The following ZNF518A variants were observed in gnomAD, a reference collection of about 807,000 sequenced individuals.
ZNF518A encodes zinc finger protein 518A, also known as zinc finger protein 518.
Under a neutral mutation model 102.7 loss-of-function variants are expected in ZNF518A, and 47 were observed. That is an observed-to-expected ratio of 0.46 (90% CI 0.36 to 0.58). The LOEUF (loss-of-function observed/expected upper bound fraction) is 0.58, where lower values mean the gene tolerates loss of function less well. Among genes scored for constraint, ZNF518A ranks in the 20% least tolerant of loss-of-function variants. The probability of loss-of-function intolerance (pLI) is 0.00; values close to 1 mark genes in which losing one functional copy is unlikely to be tolerated. For synonymous variants in ZNF518A, 652 were observed against 594.6 expected (o/e 1.10, Z -1.40); for missense variants, 1,793 against 1,699.8 (o/e 1.05, Z -0.96).
Position 96,158,588 on chromosome 10 carries a change from G to C in ZNF518A, c.2266G>C (p.Val756Leu). The C allele has an allele frequency of 6.2e-7, 1 of 1,613,272 alleles. No homozygotes were observed. Among genetic ancestry groups the C allele is most frequent in the Non-Finnish European group, 8.5e-7 (1 of 1,179,648 alleles). ...ATCTAAATGGGAAGACTTTTCTAAT[G>C]TCGATTCACCTATGATGCCTAGAAT... ...EKSKWEDFSN[V>L]DSPMMPRITS... Residue 756 changes from valine to leucine, a missense_variant, in exon 6 of 6, where the codon GTC (valine) becomes CTC (leucine). Around this residue, in one of 3 missense-constraint regions of ZNF518A, gnomAD observed 1,741 missense variants for 1,622.6 expected, o/e 1.07. Transcript: ENST00000316045.
chr10:96,152,258 A>C (rs2082483281), intron 3 of ZNF518A, among the ~76,000 whole-genome samples: 1 of 152,032 alleles, frequency 6.6e-6, no homozygotes, highest in Non-Finnish European at 1.5e-5. Flanking sequence ...GGCTGCAGTG[A>C]GCTGAGATCA....
At position 96,158,175 on chromosome 10, in the gene ZNF518A, A is replaced by T; in HGVS notation, c.1853A>T (p.Tyr618Phe). The change falls in exon 6 of 6, where the codon TAT (tyrosine) becomes TTT (phenylalanine). Residue 618 changes from tyrosine (Y) to phenylalanine (F), a missense_variant. By Grantham distance (22) the Tyr-to-Phe change is conservative. Around this residue, in one of 3 missense-constraint regions of ZNF518A, gnomAD observed 1,741 missense variants for 1,622.6 expected, o/e 1.07. Transcript: ENST00000316045. ...NAYNSGDMHN[Y>F]CINYGNCELP... ...TACAACAGTGGAGATATGCATAATT[A>T]TTGCATTAATTATGGCAACTGTGAG... 6.2e-7 allele frequency: 1 copy of T among 1,613,648 alleles called. No homozygotes were observed. The highest frequency in any genetic ancestry group is 8.5e-7 in the Non-Finnish European group (1 of 1,179,732).
rs1424279784 is a variant in ZNF518A, at chr10:96,157,737, C to T, written c.1415C>T (p.Ser472Leu). Residue 472 changes from serine (S) to leucine (L), a missense_variant, in exon 6 of 6, where the codon TCA (serine) becomes TTA (leucine). Coordinates refer to ENST00000316045, the MANE Select transcript of ZNF518A (RefSeq NM_001330736.2). ...PIKQNVCSPG[S>L]QSGAAKDGTA... ...AAACAAAATGTATGTTCACCAGGCT[C>T]ACAGTCAGGTGCTGCAAAGGACGGT... 5 of 1,613,912 alleles carry T rather than the reference C, an allele frequency of 3.1e-6. No homozygotes were observed. The highest frequency in any genetic ancestry group is 1.1e-5 in the South Asian group (1 of 91,082).
At chr10:96,192,902 A>G (rs1271541662) in intron 1 of ZNF518A, among the ~76,000 whole-genome samples, 1 of 152,234 alleles carries the variant, frequency 6.6e-6, no homozygotes, top group Non-Finnish European at 1.5e-5. Context: ...GTTTTACAAC[A>G]GTGCCATGAG....
intron 1 of ZNF518A, among the ~76,000 whole-genome samples, chr10:96,169,383 CTG>C (rs1354337023): frequency 6.6e-6 from 1 of 152,180 alleles, no homozygotes. Flanking sequence ...GTTTCTCAGA[CTG>C]TATGTCAACT....
At position 96,160,525 on chromosome 10, in the gene ZNF518A, T is replaced by G. The variant is rs1156975210; in HGVS notation, c.4203T>G (p.Asp1401Glu). The change falls in exon 6 of 6, where the codon GAT (aspartate) becomes GAG (glutamate). Residue 1401 changes from aspartate to glutamate, a missense_variant. Transcript: ENST00000316045. ...ATAACCCTCCTAAAACAACTTATGA[T>G]GATTTTTCCAAGAGGCACAAAACAT... Reference protein sequence around the residue: ...VCYNPPKTTYDDFSKRHKTFK... With the variant: ...VCYNPPKTTYEDFSKRHKTFK... 1.9e-6 allele frequency: 3 copies of G among 1,612,284 alleles called. No homozygotes were observed. In the East Asian group the frequency reaches 6.7e-5, roughly 36 times the overall value.
chr10:96,166,453 A>G (rs377309393), downstream of ZNF518A, among the ~76,000 whole-genome samples: 2 of 152,138 alleles, frequency 1.3e-5, no homozygotes, highest in East Asian at 1.9e-4. Context: ...GGTCATTCCA[A>G]TAGATAACCA....
intron 1 of ZNF518A, among the ~76,000 whole-genome samples, chr10:96,174,363 A>C (rs1554891232): frequency 6.6e-6 from 1 of 152,166 alleles, no homozygotes; most frequent in East Asian, 1.9e-4. Context: ...AATAGAGAAC[A>C]TAAAGGAAAC....
chr10:96,155,224 G>C (rs587725405), intron 3 of ZNF518A, 102 bp from the exon 4 acceptor site: 22 of 152,210 alleles, frequency 1.4e-4, no homozygotes, highest in Admixed American at 7.2e-4. Flanking sequence ...TGATTTATAT[G>C]GCACTTTAAA....
intron 3 of ZNF518A, among the ~76,000 whole-genome samples, chr10:96,146,767 T>C (rs782717827): frequency 3.3e-5 from 5 of 152,220 alleles, no homozygotes; most frequent in Non-Finnish European, 7.3e-5. Flanking sequence ...CTAACAAATA[T>C]GAAACTACCA....
At chr10:96,152,091 C>T (rs1470522721) in intron 3 of ZNF518A, among the ~76,000 whole-genome samples, 10 of 152,178 alleles carry the variant, frequency 6.6e-5, no homozygotes, top group African/African-American at 1.7e-4. Flanking sequence ...GCGAGTGGAT[C>T]GCTTGAGCTC....
intron 1 of ZNF518A, among the ~76,000 whole-genome samples, chr10:96,180,726 T>G (rs1181731186): frequency 6.6e-6 from 1 of 152,248 alleles, no homozygotes; most frequent in East Asian, 1.9e-4. Context: ...TGCCACATTT[T>G]CTTAATCCAG....
chr10:96,179,849 CTTTTCTTCTTT>C (rs1170905276), intron 1 of ZNF518A, among the ~76,000 whole-genome samples: 3 of 148,704 alleles, frequency 2.0e-5, no homozygotes, highest in East Asian at 2.0e-4. Context: ...CATCCTTCTT[CTTTTCTTCTTT>C]TTTTCTTCTT....
intron 3 of ZNF518A, among the ~76,000 whole-genome samples, chr10:96,135,649 A>C (rs1305471260): frequency 6.6e-6 from 1 of 152,198 alleles, no homozygotes; most frequent in Non-Finnish European, 1.5e-5. Context: ...TGGATGGTGG[A>C]TATATAGCAT....
rs1591290020 is a variant in ZNF518A, at chr10:96,195,015, C to T, written n.36-8559C>T. Among the ~76,000 whole-genome samples, 5 of 151,940 alleles carry T rather than the reference C, an allele frequency of 3.3e-5. No homozygotes were observed. The South Asian group carries it at 6.2e-4, about 19-fold the overall frequency. ...CGATCTCCTGACCTCGTGATCCGCCCGTCTCGGCCTCCCAAAGTGCTGGGA... is the reference window on the plus strand; with the variant it reads ...CGATCTCCTGACCTCGTGATCCGCCTGTCTCGGCCTCCCAAAGTGCTGGGA... On this transcript the variant is annotated intron_variant and non_coding_transcript_variant, in intron 1 of 2. Coordinates refer to the ZNF518A transcript ENST00000442635.
chr10:96,141,569 A>G (rs782723636), intron 3 of ZNF518A, among the ~76,000 whole-genome samples: 2 of 152,154 alleles, frequency 1.3e-5, no homozygotes, highest in Admixed American at 1.3e-4. Context: ...CTGCTTCTGT[A>G]TTTTAATTTT....
intron 4 of ZNF518A, 193 bp downstream of exon 4, chr10:96,155,569 TTTC>T (rs1476590163): frequency 6.6e-6 from 1 of 152,244 alleles, no homozygotes; most frequent in Non-Finnish European, 1.5e-5. Flanking sequence ...TTCTTTTTAA[TTTC>T]TTCCTTTTTG....
Position 96,186,517 on chromosome 10 carries a change from C to T in ZNF518A, n.36-17057C>T, listed in dbSNP as rs587651524. On this transcript the variant is annotated intron_variant and non_coding_transcript_variant, in intron 1 of 2. Transcript: ENST00000442635. Reference sequence around the variant, plus strand: ...GGTTCAACTGATTCTTCTGCCTCAGCCTCCTGAGTAGCTGGGACTACAGGT... The same window carrying T: ...GGTTCAACTGATTCTTCTGCCTCAGTCTCCTGAGTAGCTGGGACTACAGGT... Among the ~76,000 whole-genome samples the T allele has an allele frequency of 6.6e-5, 10 of 152,210 alleles. No individual in the cohort carries two copies. In the South Asian group the frequency reaches 2.1e-3, roughly 32 times the overall value.
chr10:96,204,530 A>G (rs1554896940), downstream of ZNF518A: 1 of 1,613,908 alleles, frequency 6.2e-7, no homozygotes, highest in Admixed American at 1.7e-5. Flanking sequence ...AAGGATTCTT[A>G]CTTCTGGGCA....
Sources: allele counts gnomAD v4.1 joint callset (sites outside exome capture counted in the v4.1 genomes callset), GRCh38; gene constraint gnomAD v4.1.1; regional missense constraint gnomAD v4.1.1; transcripts MANE v1.5; gene names NCBI Gene and HGNC (gene_info 2026-07-23, HGNC 2026-07-21).